TAFA5: variants seen among roughly 807,000 people sequenced by gnomAD.
TAFA5 encodes TAFA chemokine like family member 5, also known as chemokine-like protein TAFA-5.
TAFA5 carries 6 observed loss-of-function variants against 15.3 expected under a neutral mutation model. That is an observed-to-expected ratio of 0.39 (90% confidence interval 0.21 to 0.77). The LOEUF is 0.77. TAFA5 is among the 30% of genes least tolerant of loss of function. TAFA5 has a pLI of 0.41. For missense variants in TAFA5, 161 were observed against 193.1 expected, an observed-to-expected ratio of 0.83 and a Z score of 0.98; for synonymous variants, 103 against 80.7, an observed-to-expected ratio of 1.28 and a Z score of -1.48.
At chr22:48,682,688 A>ACCCT (rs1928230771) in intron 2 of TAFA5, among the ~76,000 whole-genome samples, 4 of 152,092 alleles carry the variant, frequency 2.6e-5, no homozygotes, top group Admixed American at 6.5e-5. Context: ...TATTGACAAA[A>ACCCT]GCCTGACGGC....
chr22:48,731,671 T>C (rs76225557), intron 3 of TAFA5, among the ~76,000 whole-genome samples: 6,935 of 152,248 alleles, frequency 0.046, 416 homozygotes, highest in African/African-American at 0.14. Flanking sequence ...CATGGTTGAC[T>C]GAATCCTTTA....
chr22:48,681,158 C>T (rs1490528731), intron 2 of TAFA5, among the ~76,000 whole-genome samples: 1 of 152,206 alleles, frequency 6.6e-6, no homozygotes, highest in East Asian at 1.9e-4. Context: ...TATCCCTGAG[C>T]ACATCATGCT....
intron 2 of TAFA5, among the ~76,000 whole-genome samples, chr22:48,653,002 G>A (rs370484151): frequency 2.6e-5 from 4 of 152,250 alleles, no homozygotes; most frequent in East Asian, 3.8e-4. Context: ...AGCTGTGGGT[G>A]CTGGTGTGGC....
At chr22:48,584,821 A>G (rs989311500) in intron 1 of TAFA5, among the ~76,000 whole-genome samples, 2 of 150,852 alleles carry the variant, frequency 1.3e-5, no homozygotes, top group African/African-American at 2.4e-5. Flanking sequence ...GCACACACGC[A>G]TACACACGTA....
At chr22:48,605,548 TA>T (rs1371779085) in intron 1 of TAFA5, among the ~76,000 whole-genome samples, 1 of 152,052 alleles carries the variant, frequency 6.6e-6, no homozygotes, top group East Asian at 1.9e-4. Flanking sequence ...TTTTATGTCT[TA>T]CTGCATTTCA....
Position 48,550,075 on chromosome 22 carries a change from C to T in TAFA5, c.112+60371C>T, listed in dbSNP as rs528710263. On this transcript the variant is annotated intron_variant, in intron 1 of 3. Transcript: ENST00000402357. This position sits in a 1 kb window ranked among gnomAD's most constrained non-coding sequence, Gnocchi z 4.1. ...CAGTAACTGAGAACATTAAGTGACTCGTATGTGGCAAAGCTGGCCTGTATC... is the reference window on the plus strand; with the variant it reads ...CAGTAACTGAGAACATTAAGTGACTTGTATGTGGCAAAGCTGGCCTGTATC... Among the ~76,000 whole-genome samples the T allele has an allele frequency of 2.6e-5, 4 of 152,308 alleles. No homozygotes were observed. Among genetic ancestry groups the T allele is most frequent in the Admixed American group, 1.3e-4 (2 of 15,302 alleles).
chr22:48,708,498 G>A (rs945941592), intron 3 of TAFA5, among the ~76,000 whole-genome samples: 3 of 152,208 alleles, frequency 2.0e-5, no homozygotes, highest in African/African-American at 2.4e-5. Context: ...TGAAGGCGGC[G>A]CCTCCAGGCA....
At chr22:48,671,881 A>T (rs574809694) in intron 2 of TAFA5, among the ~76,000 whole-genome samples, 1 of 152,226 alleles carries the variant, frequency 6.6e-6, no homozygotes, top group African/African-American at 2.4e-5. Flanking sequence ...CGAGACCCAA[A>T]CAATATCTGA....
At chr22:48,663,333 G>T (rs1476580329) in intron 2 of TAFA5, among the ~76,000 whole-genome samples, 1 of 138,918 alleles carries the variant, frequency 7.2e-6, no homozygotes, top group African/African-American at 2.9e-5. Context: ...GGGGTTAAGT[G>T]GCCTGCATCT....
intron 3 of TAFA5, among the ~76,000 whole-genome samples, chr22:48,721,956 G>A (rs1030523848): frequency 2.0e-5 from 3 of 149,502 alleles, no homozygotes; most frequent in African/African-American, 5.0e-5. Context: ...CAGCCCAGGC[G>A]ACAGAGCAAA....
intron 1 of TAFA5, among the ~76,000 whole-genome samples, chr22:48,620,641 A>ACCCACCCACCATCCCCCATCCTATCTAC (rs1164169252): frequency 8.5e-6 from 1 of 117,726 alleles, no homozygotes; most frequent in East Asian, 2.3e-4. Context: ...CATCCTATCC[A>ACCCACCCACCATCCCCCATCCTATCTAC]CCCACCCACC....
intron 1 of TAFA5, among the ~76,000 whole-genome samples, chr22:48,568,429 CA>C (rs1923477041): frequency 6.6e-6 from 1 of 152,200 alleles, no homozygotes; most frequent in Non-Finnish European, 1.5e-5. Context: ...GGTGCAGAAT[CA>C]AAACTTGAGC....
At chr22:48,495,844 G>T (rs1471908842) in intron 1 of TAFA5, among the ~76,000 whole-genome samples, 2 of 152,132 alleles carry the variant, frequency 1.3e-5, no homozygotes, top group Admixed American at 6.6e-5. Flanking sequence ...CACTCAGGGC[G>T]CCCAAAGCTG....
At chr22:48,619,132 CTA>C (rs1925715927) in intron 1 of TAFA5, among the ~76,000 whole-genome samples, 2 of 152,192 alleles carry the variant, frequency 1.3e-5, no homozygotes, top group South Asian at 4.1e-4. Flanking sequence ...GCTAAAATAT[CTA>C]GTGGTCTTTT....
At chr22:48,590,346 C>T (rs141325767) in intron 1 of TAFA5, among the ~76,000 whole-genome samples, 114 of 152,312 alleles carry the variant, frequency 7.5e-4, no homozygotes, top group African/African-American at 2.5e-3. Flanking sequence ...TGGTTTTATG[C>T]GGATGCGGAC....
At chr22:48,534,957 C>T (rs532250413) in intron 1 of TAFA5, among the ~76,000 whole-genome samples, 23 of 152,250 alleles carry the variant, frequency 1.5e-4, no homozygotes, top group African/African-American at 5.3e-4. Context: ...CCTCTGTCCT[C>T]TCCTTTTCTT....
intron 1 of TAFA5, chr22:48,545,186 C>G (rs1270746926): frequency 3.2e-6 from 1 of 311,882 alleles, no homozygotes; most frequent in African/African-American, 2.2e-5. Context: ...CTCTGCCCTC[C>G]CCTCAGTCTT....
intron 1 of TAFA5, among the ~76,000 whole-genome samples, chr22:48,528,888 C>T (rs1220527004): frequency 6.6e-6 from 1 of 152,180 alleles, no homozygotes; most frequent in Non-Finnish European, 1.5e-5. Flanking sequence ...CTGGGAGACA[C>T]AGTCCCATTG....
chr22:48,685,895 C>A (rs899973594), intron 2 of TAFA5, among the ~76,000 whole-genome samples: 1 of 152,126 alleles, frequency 6.6e-6, no homozygotes, highest in Non-Finnish European at 1.5e-5. Flanking sequence ...AATGCAGATG[C>A]CTTCCCTTAG....
Sources: allele counts gnomAD v4.1 joint callset (sites outside exome capture counted in the v4.1 genomes callset), GRCh38; gene constraint gnomAD v4.1.1; non-coding constraint Gnocchi (gnomAD v3.1); transcripts MANE v1.5; gene names NCBI Gene and HGNC (gene_info 2026-07-23, HGNC 2026-07-21).